The following ZNRF2 variants were observed in gnomAD, a reference collection of about 807,000 sequenced individuals.
ZNRF2 encodes zinc and ring finger 2.
A neutral mutation model predicts 20.4 loss-of-function variants in ZNRF2; 16 were observed. The ratio of observed to expected loss-of-function variants is 0.79; its 90% CI spans 0.53 to 1.19. The LOEUF (loss-of-function observed/expected upper bound fraction) is 1.19. ZNRF2 is among the 50% of genes most tolerant of loss of function. ZNRF2 has a pLI of 0.00. For synonymous variants in ZNRF2, 178 were observed against 144.9 expected (o/e 1.23, Z -1.64); for missense variants, 363 against 332.4 (o/e 1.09, Z -0.72).
At chr7:30,314,714 C>G (rs1799341295) in intron 1 of ZNRF2, among the ~76,000 whole-genome samples, 1 of 151,796 alleles carries the variant, frequency 6.6e-6, no homozygotes, top group South Asian at 2.1e-4. Context: ...AATTTTTTCA[C>G]TTGTTATGGG....
intron 2 of ZNRF2, among the ~76,000 whole-genome samples, chr7:30,344,110 C>T (rs545582312): frequency 1.7e-4 from 26 of 151,472 alleles, no homozygotes; most frequent in Non-Finnish European, 3.2e-4. Flanking sequence ...TTAGTAGAGA[C>T]GGGGTTTCAG....
Position 30,367,617 on chromosome 7 carries a change from C to T in ZNRF2, c.*1605C>T, listed in dbSNP as rs1428023041. The stretch of plus-strand genomic sequence containing the variant: ...TTCACATTTTTTAAAAGGGCAAGTA[C>T]AGGAGCAACTGCTGCTACCCAGAAA... On this transcript the variant is annotated 3_prime_UTR_variant, in exon 5 of 5. Transcript: ENST00000323037. 6.6e-6 allele frequency: 1 copy of T among 151,962 alleles called. No homozygotes were observed. The highest frequency in any genetic ancestry group is 6.6e-5 in the Admixed American group (1 of 15,228). 9.4% of individuals were successfully genotyped at this position (151,962 alleles called of 1,614,324 possible).
chr7:30,335,718 C>G (rs1197474770), intron 2 of ZNRF2, among the ~76,000 whole-genome samples: 1 of 151,986 alleles, frequency 6.6e-6, no homozygotes, highest in Non-Finnish European at 1.5e-5. Context: ...AAATTGAAGG[C>G]AGAAAGATAA....
intron 1 of ZNRF2, among the ~76,000 whole-genome samples, chr7:30,304,583 T>G (rs1251239147): frequency 2.6e-5 from 4 of 152,218 alleles, no homozygotes; most frequent in African/African-American, 9.7e-5. Context: ...TTGCAGCAGG[T>G]GCAACTAGCC....
chr7:30,347,726 TAAAAC>T (rs1372719055), intron 2 of ZNRF2, among the ~76,000 whole-genome samples: 3 of 151,930 alleles, frequency 2.0e-5, no homozygotes, highest in African/African-American at 7.3e-5. Flanking sequence ...AAAAATAAAA[TAAAAC>T]AAAATAACTT....
At chr7:30,306,496 G>T (rs1172801538) in intron 1 of ZNRF2, among the ~76,000 whole-genome samples, 1 of 152,130 alleles carries the variant, frequency 6.6e-6, no homozygotes, top group African/African-American at 2.4e-5. Context: ...ACAATAAGCA[G>T]CGTCACTGTT....
chr7:30,298,106 T>C (rs1799047354), intron 1 of ZNRF2, among the ~76,000 whole-genome samples: 1 of 152,192 alleles, frequency 6.6e-6, no homozygotes, highest in Non-Finnish European at 1.5e-5. Context: ...TAATTTTTAA[T>C]GTTTTTAAAA....
chr7:30,302,734 TATC>T lies in ZNRF2; in HGVS notation c.469+16916_469+16918del, dbSNP rs1214327305. ...TTAAACAGAAAAGAACTGGTGGCGG[TATC>T]ATCATCACTGCTACTCTTTAATTGC... On this transcript the variant is annotated intron_variant, in intron 1 of 4. Coordinates refer to ENST00000323037, the MANE Select transcript of ZNRF2 (RefSeq NM_147128.4). Among the ~76,000 whole-genome samples the T allele has an allele frequency of 2.6e-5, 4 of 152,296 alleles. No homozygotes were observed. The East Asian group carries it at 5.8e-4, about 22-fold the overall frequency.
chr7:30,305,655 A>G (rs1268340560), intron 1 of ZNRF2, among the ~76,000 whole-genome samples: 1 of 152,106 alleles, frequency 6.6e-6, no homozygotes, highest in African/African-American at 2.4e-5. Context: ...TGTGTGTATG[A>G]TTTAATTCTT....
In ZNRF2 at chr7:30,285,762, C is replaced by T; in HGVS notation, c.405C>T (p.Ser135=). ...GGGRDRPVGG[S]PGGPRLVIGS... ...GCCGGGACCGGCCGGTGGGCGGGAG[C>T]CCCGGCGGGCCGCGCCTGGTGATCG... Residue 135 remains serine (S), a synonymous_variant, in exon 1 of 5, where the codon AGC becomes AGT. Coordinates refer to ENST00000323037, the MANE Select transcript of ZNRF2 (RefSeq NM_147128.4). 4.0e-6 allele frequency: 6 copies of T among 1,483,946 alleles called. No homozygotes were observed. The highest frequency in any genetic ancestry group is 2.6e-5 in the South Asian group (2 of 75,692). 91.9% of individuals were successfully genotyped at this position (1,483,946 alleles called of 1,614,324 possible).
At chr7:30,297,401 C>A (rs144940048) in intron 1 of ZNRF2, among the ~76,000 whole-genome samples, 2 of 152,030 alleles carry the variant, frequency 1.3e-5, no homozygotes, top group Non-Finnish European at 2.9e-5. Flanking sequence ...TGTTTTTAGC[C>A]GATACAATTT....
chr7:30,310,572 A>T (rs1428054754), intron 1 of ZNRF2, among the ~76,000 whole-genome samples: 1 of 152,186 alleles, frequency 6.6e-6, no homozygotes, highest in Non-Finnish European at 1.5e-5. Context: ...TGAATTTCCT[A>T]TAATTTTCAC....
intron 1 of ZNRF2, among the ~76,000 whole-genome samples, chr7:30,291,193 T>TA (rs1350260450): frequency 6.6e-6 from 1 of 152,184 alleles, no homozygotes; most frequent in East Asian, 1.9e-4. Context: ...ATGTCTGGAT[T>TA]GTAGGGTGCA....
chr7:30,304,238 A>G (rs1372602206), intron 1 of ZNRF2, among the ~76,000 whole-genome samples: 1 of 152,046 alleles, frequency 6.6e-6, no homozygotes, highest in Non-Finnish European at 1.5e-5. Context: ...GTTTTTTAAG[A>G]TTAAAAAAAA....
At chr7:30,309,236 C>T (rs987794447) in intron 1 of ZNRF2, among the ~76,000 whole-genome samples, 1 of 152,116 alleles carries the variant, frequency 6.6e-6, no homozygotes, top group African/African-American at 2.4e-5. Flanking sequence ...TGAACATTCT[C>T]TGAACTCTTC....
chr7:30,285,757 G>T lies in ZNRF2; in HGVS notation c.400G>T (p.Gly134Trp), dbSNP rs1326330641. The T allele has an allele frequency of 2.4e-5, 36 of 1,482,592 alleles. No individual in the cohort carries two copies. Among genetic ancestry groups the T allele is most frequent in the Non-Finnish European group, 3.0e-5 (34 of 1,123,164 alleles). 91.8% of individuals were successfully genotyped at this position (1,482,592 alleles called of 1,614,324 possible). A position where few individuals can be genotyped will look rare whatever the true frequency, so the allele number is the denominator to read the frequency against. Residue 134 changes from glycine to tryptophan, a missense_variant, in exon 1 of 5, where the codon GGG becomes TGG. Gly to Trp is a radical substitution (Grantham distance 184). Coordinates refer to ENST00000323037, the MANE Select transcript of ZNRF2 (RefSeq NM_147128.4). The stretch of plus-strand genomic sequence containing the variant: ...CGGCGGCCGGGACCGGCCGGTGGGC[G>T]GGAGCCCCGGCGGGCCGCGCCTGGT... The part of the protein sequence containing the change: ...GGGGRDRPVG[G>W]SPGGPRLVIG...
At chr7:30,301,757 C>T (rs970881516) in intron 1 of ZNRF2, among the ~76,000 whole-genome samples, 4 of 148,030 alleles carry the variant, frequency 2.7e-5, no homozygotes, top group South Asian at 2.2e-4. Context: ...TATACTAGAG[C>T]GGGCAAAAAT....
intron 1 of ZNRF2, among the ~76,000 whole-genome samples, chr7:30,316,428 T>C (rs1464506464): frequency 6.6e-6 from 1 of 151,920 alleles, no homozygotes; most frequent in Non-Finnish European, 1.5e-5. Flanking sequence ...TTATACAAAT[T>C]GTTGTATACT....
At chr7:30,322,752 G>A (rs545466543) in intron 1 of ZNRF2, among the ~76,000 whole-genome samples, 1 of 152,230 alleles carries the variant, frequency 6.6e-6, no homozygotes, top group Non-Finnish European at 1.5e-5. Flanking sequence ...TGGCTATCTG[G>A]GTTCAGGTTT....
Sources: gnomAD v4.1 joint callset for allele counts (sites outside exome capture counted in the v4.1 genomes callset) on GRCh38, gnomAD v4.1.1 for gene constraint, MANE v1.5 for transcripts, NCBI Gene and HGNC (gene_info 2026-07-23, HGNC 2026-07-21) for gene names.